Variants in AGFG2 observed in about 807,000 individuals in gnomAD.
The protein encoded by AGFG2 is arf-GAP domain and FG repeat-containing protein 2.
AGFG2 carries 31 observed loss-of-function variants against 48.0 expected under a neutral mutation model. The observed-to-expected ratio is 0.65, with a 90% CI of 0.49 to 0.87. The LOEUF is 0.87. Among genes scored for constraint, AGFG2 ranks in the 40% least tolerant of loss-of-function variants. The probability of loss-of-function intolerance (pLI) is 0.00; values close to 1 mark genes in which losing one functional copy is unlikely to be tolerated. For missense variants in AGFG2, 599 were observed against 632.6 expected (o/e 0.95, Z 0.57); for synonymous variants, 229 against 260.8 (o/e 0.88, Z 1.18).
chr7:100,542,099 C>G (rs1413561535), intron 1 of AGFG2, among the ~76,000 whole-genome samples: 3 of 151,862 alleles, frequency 2.0e-5, no homozygotes, highest in Admixed American at 2.0e-4. Flanking sequence ...CATTGCAACC[C>G]CTGCCTCCTG....
rs1441669913 is a variant in AGFG2, at chr7:100,562,743, T to G, written c.1087+61T>G. The G allele has an allele frequency of 6.2e-5, 99 of 1,592,084 alleles. No homozygotes were observed. Among genetic ancestry groups the G allele is most frequent in the Admixed American group, 1.4e-4 (8 of 58,690 alleles). ...CTGAGGCCAGGAGGAGTCTAAGGACTCTGGACAGGGTGGGAAGGGGAGAGA... is the reference window on the plus strand; with the variant it reads ...CTGAGGCCAGGAGGAGTCTAAGGACGCTGGACAGGGTGGGAAGGGGAGAGA... On this transcript the variant is annotated intron_variant, in intron 8 of 11. Coordinates refer to ENST00000300176, the MANE Select transcript of AGFG2 (RefSeq NM_006076.5). The surrounding 1 kb of genome is among the most constrained non-coding windows in gnomAD (Gnocchi z 5.4).
chr7:100,548,397 C>T (rs1800555683), intron 1 of AGFG2, among the ~76,000 whole-genome samples: 1 of 152,094 alleles, frequency 6.6e-6, no homozygotes, highest in African/African-American at 2.4e-5. Flanking sequence ...ACTGTAGCCT[C>T]TGCCTCCCAG....
chr7:100,550,060 G>A (rs189198324), intron 2 of AGFG2, among the ~76,000 whole-genome samples: 144 of 152,324 alleles, frequency 9.5e-4, no homozygotes, highest in Non-Finnish European at 1.4e-3. Context: ...TGTAATCCCA[G>A]CAGTTTGGGT....
chr7:100,556,665 C>T (rs1800765299), intron 6 of AGFG2: 6 of 1,281,886 alleles, frequency 4.7e-6, no homozygotes, highest in Non-Finnish European at 6.1e-6. Flanking sequence ...ACCCAAGTGC[C>T]TCTGATCATA....
At chr7:100,542,228 C>T (rs1043296593) in intron 1 of AGFG2, among the ~76,000 whole-genome samples, 5 of 152,156 alleles carry the variant, frequency 3.3e-5, no homozygotes, top group African/African-American at 1.2e-4. Flanking sequence ...GTTGGTCAGG[C>T]TGGTCTCGAA....
chr7:100,567,390 C>G lies in AGFG2; in HGVS notation c.*2399C>G, dbSNP rs1160378939. Reference sequence around the variant, plus strand: ...ACACCACGGGGCTAGAGTGACTCACCTGGGCTCACACCAACTTCTGGCCAA... The same window carrying G: ...ACACCACGGGGCTAGAGTGACTCACGTGGGCTCACACCAACTTCTGGCCAA... On this transcript the variant is annotated 3_prime_UTR_variant, in exon 12 of 12. Coordinates refer to ENST00000300176, the MANE Select transcript of AGFG2 (RefSeq NM_006076.5). 1 of 152,892 alleles carries G rather than the reference C, an allele frequency of 6.5e-6. No individual in the cohort carries two copies. Among genetic ancestry groups the G allele is most frequent in the Non-Finnish European group, 1.5e-5 (1 of 68,228 alleles). The allele number at this position is 152,892 out of a possible 1,614,324, so 9.5% of individuals were successfully genotyped here.
chr7:100,564,008 G>T (rs753792427), intron 10 of AGFG2, 46 bp downstream of exon 10: 99 of 1,593,710 alleles, frequency 6.2e-5, no homozygotes, highest in Non-Finnish European at 8.0e-5. Context: ...TCCCATCTCT[G>T]CATAGAGATC....
chr7:100,549,888 C>T (rs559197937), intron 2 of AGFG2, among the ~76,000 whole-genome samples: 206 of 152,196 alleles, frequency 1.4e-3, no homozygotes, highest in Non-Finnish European at 2.2e-3. Context: ...GAGTGGGTTT[C>T]GCTGTGTTGC....
At chr7:100,551,202 T>A (rs1299579981) in intron 3 of AGFG2, among the ~76,000 whole-genome samples, 1 of 149,380 alleles carries the variant, frequency 6.7e-6, no homozygotes, top group African/African-American at 2.5e-5. Context: ...CCCGAGTAGG[T>A]GGGACTACAG....
intron 6 of AGFG2, among the ~76,000 whole-genome samples, chr7:100,560,325 T>C (rs552467022): frequency 6.6e-6 from 1 of 152,268 alleles, no homozygotes; most frequent in African/African-American, 2.4e-5. Context: ...ATTACAGGTA[T>C]GCACCACCAC....
chr7:100,554,786 A>G (rs1800723795), intron 5 of AGFG2, among the ~76,000 whole-genome samples: 1 of 151,998 alleles, frequency 6.6e-6, no homozygotes. Flanking sequence ...AAGAAAAAAA[A>G]AATTAGCCAA....
Position 100,554,115 on chromosome 7 carries a change from G to C in AGFG2, c.608G>C (p.Arg203Pro). Reference sequence around the variant, plus strand: ...AAGCCCGTCAGTCAGTCTCACGCTCGGACATCCCAGGCCCGGAGCACTCAG... The same window carrying C: ...AAGCCCGTCAGTCAGTCTCACGCTCCGACATCCCAGGCCCGGAGCACTCAG... ...SSQPVSQSHA[R>P]TSQARSTQPP... Residue 203 changes from arginine (R) to proline (P), a missense_variant, in exon 5 of 12, where the codon CGG becomes CCG. Physicochemically the swap from Arg to Pro is moderately radical, Grantham distance 103. Coordinates refer to ENST00000300176, the MANE Select transcript of AGFG2 (RefSeq NM_006076.5). The C allele has an allele frequency of 6.2e-7, 1 of 1,613,844 alleles. No individual in the cohort carries two copies. The highest frequency in any genetic ancestry group is 2.2e-5 in the East Asian group (1 of 44,868).
At chr7:100,548,581 G>T (rs1395222824) in intron 1 of AGFG2, among the ~76,000 whole-genome samples, 2 of 152,114 alleles carry the variant, frequency 1.3e-5, no homozygotes, top group African/African-American at 4.8e-5. Context: ...CTAAAGTGCT[G>T]GGATTACAGG....
At chr7:100,560,887 C>T (rs1282374487) in intron 6 of AGFG2, among the ~76,000 whole-genome samples, 1 of 146,328 alleles carries the variant, frequency 6.8e-6, no homozygotes, top group Non-Finnish European at 1.5e-5. Flanking sequence ...TCTCGGCTCA[C>T]TGCAAACTCC....
At chr7:100,542,533 A>C (rs1800440957) in intron 1 of AGFG2, among the ~76,000 whole-genome samples, 1 of 152,234 alleles carries the variant, frequency 6.6e-6, no homozygotes, top group Non-Finnish European at 1.5e-5. Flanking sequence ...GAAACTCTGC[A>C]AGAAAGCTGG....
chr7:100,553,028 T>C (rs1345264038), intron 3 of AGFG2, among the ~76,000 whole-genome samples: 1 of 152,010 alleles, frequency 6.6e-6, no homozygotes, highest in Admixed American at 6.6e-5. Flanking sequence ...ATGTACTTGT[T>C]TGTGGTCCCA....
In AGFG2 at chr7:100,539,437, C is replaced by G. The variant is rs746711671; in HGVS notation, c.91C>G (p.Arg31Gly). 4.7e-5 allele frequency: 62 copies of G among 1,322,378 alleles called. No homozygotes were observed. In the South Asian group the frequency reaches 6.1e-4, roughly 13 times the overall value. The allele number at this position is 1,322,378 out of a possible 1,614,324, so 81.9% of individuals were successfully genotyped here. ...GGAGGCGGCCTCGGAGGTGTGGTGCCGTCGGGTGCGGGAGCTGGGTGGCTG... is the reference window on the plus strand; with the variant it reads ...GGAGGCGGCCTCGGAGGTGTGGTGCGGTCGGGTGCGGGAGCTGGGTGGCTG... ...EAEAASEVWCRRVRELGGCSQ... is the reference protein window; with the variant it reads ...EAEAASEVWCGRVRELGGCSQ... Residue 31 changes from arginine to glycine, a missense_variant, in exon 1 of 12, where the codon CGT becomes GGT. Coordinates refer to ENST00000300176, the MANE Select transcript of AGFG2 (RefSeq NM_006076.5).
chr7:100,539,369 G>A lies in AGFG2; in HGVS notation c.23G>A (p.Gly8Asp). The change falls in exon 1 of 12, where the codon GGC (glycine) becomes GAC (aspartate). Residue 8 changes from glycine (G) to aspartate (D), a missense_variant. Physicochemically the swap from Gly to Asp is moderately conservative, Grantham distance 94. Transcript: ENST00000300176. The stretch of plus-strand genomic sequence containing the variant: ...GCGATGGTGATGGCGGCGAAGAAGG[G>A]CCCGGGCCCGGGCGGCGGGGTCAGC... MVMAAKK[G>D]PGPGGGVSGG... The A allele has an allele frequency of 7.8e-7, 1 of 1,274,502 alleles. No individual in the cohort carries two copies. Among genetic ancestry groups the A allele is most frequent in the South Asian group, 2.7e-5 (1 of 36,896 alleles). 78.9% of individuals were successfully genotyped at this position (1,274,502 alleles called of 1,614,324 possible).
At chr7:100,541,842 A>C (rs889954474) in intron 1 of AGFG2, among the ~76,000 whole-genome samples, 4 of 151,950 alleles carry the variant, frequency 2.6e-5, no homozygotes, top group Non-Finnish European at 5.9e-5. Flanking sequence ...TCCTGCTATG[A>C]GAAGCAGAAG....
Sources: gnomAD v4.1 joint callset for allele counts (sites outside exome capture counted in the v4.1 genomes callset) on GRCh38, gnomAD v4.1.1 for gene constraint, Gnocchi (gnomAD v3.1) non-coding constraint, MANE v1.5 for transcripts, NCBI Gene and HGNC (gene_info 2026-07-23, HGNC 2026-07-21) for gene names.